The following KCNIP4 variants were observed in gnomAD, a reference collection of about 807,000 sequenced individuals.
KCNIP4 encodes the protein Kv channel-interacting protein 4.
Under a neutral mutation model 34.0 loss-of-function variants are expected in KCNIP4, and 12 were observed. The ratio of observed to expected loss-of-function variants is 0.35; its 90% CI spans 0.23 to 0.57. The LOEUF is 0.57. Ranked by LOEUF, KCNIP4 falls within the 20% of genes least tolerant of loss-of-function variation. KCNIP4 has a pLI of 0.83. For synonymous variants in KCNIP4, 124 were observed against 102.2 expected (o/e 1.21, Z -1.29); for missense variants, 238 against 311.7 (o/e 0.76, Z 1.78).
chr4:20,991,230 G>A (rs924693565), intron 1 of KCNIP4, among the ~76,000 whole-genome samples: 1 of 152,124 alleles, frequency 6.6e-6, no homozygotes, highest in Non-Finnish European at 1.5e-5. Context: ...ATTACACAAA[G>A]AGACACAAGA....
intron 1 of KCNIP4, among the ~76,000 whole-genome samples, chr4:21,700,091 T>C (rs1371610474): frequency 6.6e-6 from 1 of 152,172 alleles, no homozygotes; most frequent in East Asian, 1.9e-4. Flanking sequence ...ATTTAATGAG[T>C]TGATGACATA....
At chr4:21,387,288 A>G (rs761397837) in intron 1 of KCNIP4, among the ~76,000 whole-genome samples, 13 of 152,160 alleles carry the variant, frequency 8.5e-5, no homozygotes, top group Admixed American at 2.6e-4. Context: ...ATAAGGAACA[A>G]TGATCAGTTT....
intron 1 of KCNIP4, among the ~76,000 whole-genome samples, chr4:21,153,515 GTATATA>G (rs59614946): frequency 0.58 from 81,815 of 140,804 alleles, 23,637 homozygotes; most frequent in Non-Finnish European, 0.62. Context: ...ATGTGTGTGT[GTATATA>G]TATATATATA....
At chr4:21,922,118 G>T (rs10938869) in intron 1 of KCNIP4, among the ~76,000 whole-genome samples, 38,568 of 151,958 alleles carry the variant, frequency 0.25, 5,725 homozygotes, top group East Asian at 0.61. Flanking sequence ...GTCTTCTCTC[G>T]GGAAAACTTT....
chr4:21,448,961 G>A (rs1728277774), intron 1 of KCNIP4, among the ~76,000 whole-genome samples: 1 of 152,164 alleles, frequency 6.6e-6, no homozygotes, highest in African/African-American at 2.4e-5. Flanking sequence ...GAAGGTTATT[G>A]GACTTCCAAA....
intron 1 of KCNIP4, among the ~76,000 whole-genome samples, chr4:21,138,935 C>T (rs1208172550): frequency 6.6e-6 from 1 of 152,150 alleles, no homozygotes; most frequent in Non-Finnish European, 1.5e-5. Flanking sequence ...CCAAGAACTT[C>T]ATTTTACCCT....
Position 20,738,262 on chromosome 4 carries a change from G to C in KCNIP4, c.430-3527C>G, listed in dbSNP as rs12640359. Reference sequence around the variant, plus strand: ...GAGATTGATTGTTATCAATGTAAACGATATTTTTAAAAATTCACAGCGTAG... The same window carrying C: ...GAGATTGATTGTTATCAATGTAAACCATATTTTTAAAAATTCACAGCGTAG... On this transcript the variant is annotated intron_variant, in intron 5 of 8. Transcript: ENST00000382152. 2.3e-3 allele frequency among the ~76,000 whole-genome samples: 355 copies of C among 152,252 alleles called. 8 individuals carry two copies. In the South Asian group the frequency reaches 0.046, roughly 20 times the overall value.
chr4:21,634,223 C>CAAAA lies in KCNIP4; in HGVS notation c.61+314344_61+314347dup, dbSNP rs376741978. Among the ~76,000 whole-genome samples, 88 of 112,442 alleles carry CAAAA rather than the reference C, an allele frequency of 7.8e-4. 1 individual carries two copies. Among genetic ancestry groups the CAAAA allele is most frequent in the South Asian group, 1.7e-3 (5 of 2,974 alleles). The allele number at this position is 112,442 out of a possible 152,430, so 73.8% of individuals were successfully genotyped here. ...TTAGGAAAGCTACGGGTTCTTTCCT[C>CAAAA]AAAAAAAAAAAAAAAAAAAAAAAAC... On this transcript the variant is annotated intron_variant, in intron 1 of 8. Coordinates refer to ENST00000382152, the MANE Select transcript of KCNIP4 (RefSeq NM_025221.6).
At chr4:20,917,017 A>T (rs866169841) in intron 1 of KCNIP4, among the ~76,000 whole-genome samples, 2 of 20,850 alleles carry the variant, frequency 9.6e-5, no homozygotes, top group African/African-American at 3.0e-4. Context: ...ATATATATAT[A>T]TATATATATA....
At chr4:21,372,318 TAG>T (rs1184450116) in intron 1 of KCNIP4, among the ~76,000 whole-genome samples, 11 of 146,620 alleles carry the variant, frequency 7.5e-5, no homozygotes, top group Admixed American at 7.3e-4. Flanking sequence ...TCAAACTGGA[TAG>T]AGAGTTCTTT....
intron 1 of KCNIP4, among the ~76,000 whole-genome samples, chr4:21,564,498 A>T (rs1267867254): frequency 2.0e-5 from 3 of 152,110 alleles, no homozygotes; most frequent in Non-Finnish European, 4.4e-5. Context: ...TGCTCTTTAC[A>T]TTCAGTCTTC....
chr4:20,958,975 G>A (rs959271700), intron 1 of KCNIP4, among the ~76,000 whole-genome samples: 12 of 152,176 alleles, frequency 7.9e-5, no homozygotes, highest in Non-Finnish European at 5.9e-5. Context: ...AAGCAAAATT[G>A]AAATCCAACC....
At chr4:21,728,182 T>A (rs1470337171) in intron 1 of KCNIP4, among the ~76,000 whole-genome samples, 1 of 152,192 alleles carries the variant, frequency 6.6e-6, no homozygotes, top group Admixed American at 6.6e-5. Flanking sequence ...GACTCATGTA[T>A]CAACACAGCC....
intron 1 of KCNIP4, among the ~76,000 whole-genome samples, chr4:21,475,656 C>CA (rs34577033): frequency 0.12 from 18,986 of 152,136 alleles, 1,354 homozygotes; most frequent in South Asian, 0.21. Context: ...TCAGGCCTTA[C>CA]AAAACTATAC....
chr4:20,783,316 T>C (rs1408401287), intron 3 of KCNIP4, among the ~76,000 whole-genome samples: 1 of 152,136 alleles, frequency 6.6e-6, no homozygotes, highest in Non-Finnish European at 1.5e-5. Flanking sequence ...TTCAGCAACA[T>C]CCCACTTCTG....
intron 3 of KCNIP4, among the ~76,000 whole-genome samples, chr4:20,827,437 C>T (rs926191320): frequency 6.6e-6 from 1 of 152,182 alleles, no homozygotes; most frequent in Admixed American, 6.6e-5. Flanking sequence ...TCTTTCTCTT[C>T]TTATGAAGAC....
chr4:21,766,505 C>T (rs191414021), intron 1 of KCNIP4, among the ~76,000 whole-genome samples: 2 of 152,234 alleles, frequency 1.3e-5, no homozygotes, highest in Admixed American at 6.5e-5. Flanking sequence ...TCCCAGGCTT[C>T]CCTCTGCTGC....
chr4:21,528,870 A>G (rs894922667), intron 1 of KCNIP4, among the ~76,000 whole-genome samples: 2 of 149,388 alleles, frequency 1.3e-5, no homozygotes, highest in African/African-American at 2.5e-5. Flanking sequence ...GAAGGAAGGA[A>G]GGGAAATTCA....
Position 20,732,743 on chromosome 4 carries a change from T to G in KCNIP4, c.580A>C (p.Lys194Gln). Reference sequence around the variant, plus strand: ...TCTTTGAGGACAGGATATGTACATTTACCCATCATATCGTATATTGCTTTC... The same window carrying G: ...TCTTTGAGGACAGGATATGTACATTGACCCATCATATCGTATATTGCTTTC... Reference protein sequence around the residue: ...IMKAIYDMMGKCTYPVLKEDA... With the variant: ...IMKAIYDMMGQCTYPVLKEDA... The change falls in exon 7 of 9, where the codon AAA (lysine) becomes CAA (glutamine). Residue 194 changes from lysine (K) to glutamine (Q), a missense_variant. By Grantham distance (53) the Lys-to-Gln change is moderately conservative. Transcript: ENST00000382152. 1.2e-6 allele frequency: 2 copies of G among 1,612,442 alleles called. No homozygotes were observed. Among genetic ancestry groups the G allele is most frequent in the East Asian group, 2.2e-5 (1 of 44,852 alleles).
Sources: allele counts gnomAD v4.1 joint callset (sites outside exome capture counted in the v4.1 genomes callset), GRCh38; gene constraint gnomAD v4.1.1; transcripts MANE v1.5; gene names NCBI Gene and HGNC (gene_info 2026-07-23, HGNC 2026-07-21).